Variants in TRIM13 observed in about 807,000 individuals in gnomAD.
The protein encoded by TRIM13 is E3 ubiquitin-protein ligase TRIM13.
Under a neutral mutation model 27.1 loss-of-function variants are expected in TRIM13, and 15 were observed. The ratio of observed to expected loss-of-function variants is 0.55; its 90% CI spans 0.37 to 0.85. TRIM13 has a LOEUF of 0.85. Among genes scored for constraint, TRIM13 ranks in the 40% least tolerant of loss-of-function variants. The pLI, the probability that TRIM13 is intolerant of heterozygous loss-of-function variation, is 0.00. For missense variants in TRIM13, 402 were observed against 472.2 expected (o/e 0.85, Z 1.38); for synonymous variants, 193 against 171.5 (o/e 1.13, Z -0.98).
At chr13:49,999,450 C>T (rs1873751119) in intron 1 of TRIM13, among the ~76,000 whole-genome samples, 1 of 152,088 alleles carries the variant, frequency 6.6e-6, no homozygotes, top group African/African-American at 2.4e-5. Context: ...TGTGTGTGTC[C>T]ATGTCCTGAA....
chr13:50,007,782 C>CAAAAAAAAAAAAAAAAAAA (rs34741583), intron 1 of TRIM13, among the ~76,000 whole-genome samples: 1 of 127,792 alleles, frequency 7.8e-6, no homozygotes. Context: ...GACTTAGTCT[C>CAAAAAAAAAAAAAAAAAAA]AAAAAAAAAA....
chr13:50,005,822 A>T (rs2138372996), intron 1 of TRIM13, among the ~76,000 whole-genome samples: 1 of 147,348 alleles, frequency 6.8e-6, no homozygotes, highest in East Asian at 2.0e-4. Context: ...GGTTCAAGCG[A>T]TTCTCCTGCC....
At chr13:50,011,629 T>G (rs1055567171) in intron 1 of TRIM13, among the ~76,000 whole-genome samples, 44 of 152,336 alleles carry the variant, frequency 2.9e-4, no homozygotes, top group African/African-American at 1.0e-3. Flanking sequence ...AAACAATTGC[T>G]TGGGTCCTGC....
intron 1 of TRIM13, among the ~76,000 whole-genome samples, chr13:50,002,117 T>C (rs1169536333): frequency 2.0e-5 from 3 of 151,848 alleles, no homozygotes; most frequent in Non-Finnish European, 4.4e-5. Context: ...AGGCTGGGCA[T>C]GATGGCTTAT....
intron 1 of TRIM13, among the ~76,000 whole-genome samples, chr13:50,004,556 A>C (rs1333660458): frequency 1.3e-5 from 2 of 152,096 alleles, no homozygotes; most frequent in East Asian, 1.9e-4. Flanking sequence ...TGAGGTGAGG[A>C]GTTCAAGACC....
rs756254314 is a variant in TRIM13, at chr13:50,012,752, A to G, written c.812A>G (p.Asn271Ser). ...AAGGAAACTCCTTTACCTCCCTCTA[A>G]TTTGCCTGCAAGCCCTTTAATGAAG... is the stretch of plus-strand genomic sequence containing the variant. ...VIKETPLPPS[N>S]LPASPLMKNF... Residue 271 changes from asparagine (N) to serine (S), a missense_variant, in exon 2 of 2, where the codon AAT becomes AGT. Physicochemically the swap from Asn to Ser is conservative, Grantham distance 46. Around this residue, in one of 2 missense-constraint regions of TRIM13, gnomAD observed 200 missense variants for 194.7 expected, o/e 1.03. Coordinates refer to ENST00000378182, the MANE Select transcript of TRIM13 (RefSeq NM_213590.3). 1 of 1,614,050 alleles carries G rather than the reference A, an allele frequency of 6.2e-7. No individual in the cohort carries two copies. The highest frequency in any genetic ancestry group is 1.3e-5 in the African/African-American group (1 of 75,036).
intron 1 of TRIM13, among the ~76,000 whole-genome samples, chr13:50,007,384 G>C (rs1398126662): frequency 6.9e-6 from 1 of 144,384 alleles, no homozygotes; most frequent in Non-Finnish European, 1.5e-5. Context: ...CCAGCTACTC[G>C]GGAGGCTGAG....
chr13:50,015,830 C>A lies in TRIM13; in HGVS notation c.*2666C>A. Reference sequence around the variant, plus strand: ...GCCAAGACCTGCTCTTGTGGAGGTACATTTCCTAAGCCGGAACACTCAAGC... The same window carrying A: ...GCCAAGACCTGCTCTTGTGGAGGTAAATTTCCTAAGCCGGAACACTCAAGC... On this transcript the variant is annotated 3_prime_UTR_variant, in exon 2 of 2. Coordinates refer to ENST00000378182, the MANE Select transcript of TRIM13 (RefSeq NM_213590.3). The A allele has an allele frequency of 1.2e-6, 2 of 1,614,128 alleles. No homozygotes were observed. The highest frequency in any genetic ancestry group is 1.7e-6 in the Non-Finnish European group (2 of 1,179,970).
intron 1 of TRIM13, among the ~76,000 whole-genome samples, chr13:50,002,092 G>A (rs1249945870): frequency 6.6e-6 from 1 of 152,016 alleles, no homozygotes; most frequent in Non-Finnish European, 1.5e-5. Context: ...AAAAATTTAT[G>A]AAAGATGAAA....
chr13:50,001,052 G>T (rs1262378766), intron 1 of TRIM13: 1 of 152,434 alleles, frequency 6.6e-6, no homozygotes, highest in Non-Finnish European at 1.5e-5. Flanking sequence ...CACTTTGGGA[G>T]GCTGAGGTGG....
rs74076876 is a variant in TRIM13 at position 50,015,241 on chromosome 13, C to T, written c.*2077C>T. ...TATCTTCAGATATATTGGCAGTTTT[C>T]CTTAAGCTATTTAGTTCCTCATCTG... On this transcript the variant is annotated 3_prime_UTR_variant, in exon 2 of 2. Coordinates refer to ENST00000378182, the MANE Select transcript of TRIM13 (RefSeq NM_213590.3). 3.2e-6 allele frequency: 1 copy of T among 309,612 alleles called. No homozygotes were observed. The highest frequency in any genetic ancestry group is 2.2e-5 in the African/African-American group (1 of 44,928). 19.2% of individuals were successfully genotyped at this position (309,612 alleles called of 1,614,324 possible).
intron 1 of TRIM13, among the ~76,000 whole-genome samples, chr13:49,999,543 A>G (rs1873763365): frequency 1.3e-5 from 2 of 152,220 alleles, no homozygotes; most frequent in South Asian, 4.1e-4. Flanking sequence ...TATAAAAATC[A>G]TTTTTAAATT....
intron 1 of TRIM13, among the ~76,000 whole-genome samples, chr13:49,998,046 A>G (rs1309560152): frequency 1.3e-5 from 2 of 152,064 alleles, no homozygotes; most frequent in African/African-American, 2.4e-5. Context: ...CCCTTCTCCT[A>G]TGCTTAGTGA....
Position 50,004,659 on chromosome 13 carries a change from G to C in TRIM13, c.-7+6896G>C, listed in dbSNP as rs1039422770. Among the ~76,000 whole-genome samples, 6 of 152,034 alleles carry C rather than the reference G, an allele frequency of 3.9e-5. No individual in the cohort carries two copies. The South Asian group carries it at 6.2e-4, about 16-fold the overall frequency. Reference sequence around the variant, plus strand: ...CATGCCTGTAATCCGAGCTACACGGGAGGCTGACGCAAGAGAATTGCTTGA... The same window carrying C: ...CATGCCTGTAATCCGAGCTACACGGCAGGCTGACGCAAGAGAATTGCTTGA... On this transcript the variant is annotated intron_variant, in intron 1 of 1. Transcript: ENST00000378182.
intron 1 of TRIM13, among the ~76,000 whole-genome samples, chr13:49,998,954 A>G (rs1046002443): frequency 6.6e-6 from 1 of 150,708 alleles, no homozygotes; most frequent in Non-Finnish European, 1.5e-5. Flanking sequence ...CCCCCAAACC[A>G]TTTATTTTCT....
chr13:50,005,740 GTTTTTTTT>G (rs372855203), intron 1 of TRIM13, among the ~76,000 whole-genome samples: 3 of 137,900 alleles, frequency 2.2e-5, no homozygotes, highest in Admixed American at 7.4e-5. Flanking sequence ...GAAATATTTA[GTTTTTTTT>G]TTTTTTTTGT....
At chr13:49,999,814 TAGAG>T (rs1873804275) in intron 1 of TRIM13, among the ~76,000 whole-genome samples, 4 of 152,326 alleles carry the variant, frequency 2.6e-5, no homozygotes, top group Admixed American at 2.0e-4. Flanking sequence ...GAAGGGATTT[TAGAG>T]AGCTTATGAT....
In TRIM13 at chr13:50,012,400, C is replaced by A; in HGVS notation, c.460C>A (p.Arg154=). 3 of 1,614,026 alleles carry A rather than the reference C, an allele frequency of 1.9e-6. No homozygotes were observed. The highest frequency in any genetic ancestry group is 1.1e-5 in the South Asian group (1 of 91,060). ...SLFQSFETWR[R]GDALSRLDTL... ...CTTCCAGAGCTTTGAGACCTGGCGTCGGGGAGATGCTCTTTCTCGCTTGGA... is the reference window on the plus strand; with the variant it reads ...CTTCCAGAGCTTTGAGACCTGGCGTAGGGGAGATGCTCTTTCTCGCTTGGA... The change falls in exon 2 of 2, where the codon CGG becomes AGG. Residue 154 remains arginine (R), a synonymous_variant. Coordinates refer to ENST00000378182, the MANE Select transcript of TRIM13 (RefSeq NM_213590.3).
intron 1 of TRIM13, among the ~76,000 whole-genome samples, chr13:50,002,660 C>T (rs61961298): frequency 0.17 from 26,369 of 151,184 alleles, 2,599 homozygotes; most frequent in African/African-American, 0.26. Flanking sequence ...TAATGGATCT[C>T]TCTTTTTTTT....
Sources: gnomAD v4.1 joint callset for allele counts (sites outside exome capture counted in the v4.1 genomes callset) on GRCh38, gnomAD v4.1.1 for gene constraint, gnomAD v4.1.1 regional missense constraint, MANE v1.5 for transcripts, NCBI Gene and HGNC (gene_info 2026-07-23, HGNC 2026-07-21) for gene names.